CSMD2: variants seen among roughly 807,000 people sequenced by gnomAD.
CSMD2 encodes the protein CUB and Sushi multiple domains 2, also known as CUB and sushi domain-containing protein 2.
Under a neutral mutation model 398.5 loss-of-function variants are expected in CSMD2, and 130 were observed. The observed-to-expected ratio is 0.33, with a 90% CI of 0.28 to 0.38. The LOEUF (loss-of-function observed/expected upper bound fraction) is 0.38, where lower values mean the gene tolerates loss of function less well. Ranked by LOEUF, CSMD2 falls within the 10% of genes least tolerant of loss-of-function variation. CSMD2 has a pLI of 1.00. For missense variants in CSMD2, 3,829 were observed against 4,764.9 expected, an observed-to-expected ratio of 0.80 and a Z score of 5.78; for synonymous variants, 1,828 against 1,908.5, an observed-to-expected ratio of 0.96 and a Z score of 1.10.
At chr1:34,031,321 C>T (rs1650386279) in intron 3 of CSMD2, among the ~76,000 whole-genome samples, 1 of 152,122 alleles carries the variant, frequency 6.6e-6, no homozygotes, top group African/African-American at 2.4e-5. Flanking sequence ...CCTCGTCCTC[C>T]CAAAGTGCTG....
At chr1:33,898,047 A>G (rs1021827421) in intron 5 of CSMD2, among the ~76,000 whole-genome samples, 2 of 152,166 alleles carry the variant, frequency 1.3e-5, no homozygotes, top group African/African-American at 4.8e-5. Context: ...AGTTAGATTG[A>G]GAGAGGAGGA....
chr1:33,541,829 C>T (rs535453105), intron 58 of CSMD2, among the ~76,000 whole-genome samples: 1 of 152,280 alleles, frequency 6.6e-6, no homozygotes, highest in East Asian at 1.9e-4. Context: ...TTTGAAGAAC[C>T]TAAGGTATAT....
At chr1:33,530,175 T>A (rs1241195146) in intron 64 of CSMD2, among the ~76,000 whole-genome samples, 22 of 152,162 alleles carry the variant, frequency 1.4e-4, no homozygotes, top group Admixed American at 1.4e-3. Context: ...GGAGAAATTG[T>A]TTGCAAACCA....
chr1:33,572,480 C>A (rs1382464029), intron 50 of CSMD2, 26 bp downstream of exon 50: 1 of 1,528,402 alleles, frequency 6.5e-7, no homozygotes, highest in African/African-American at 1.4e-5. Context: ...CTTCCTTACA[C>A]CCGCCTCCAT....
Position 33,534,794 on chromosome 1 carries a change from G to A in CSMD2, c.9880-887C>T, listed in dbSNP as rs79340810. 4.1e-3 allele frequency among the ~76,000 whole-genome samples: 618 copies of A among 152,188 alleles called. 2 individuals carry two copies. The highest frequency in any genetic ancestry group is 7.1e-3 in the Non-Finnish European group (480 of 68,018). On this transcript the variant is annotated intron_variant, in intron 62 of 70. Transcript: ENST00000373381. ...ATGGCACCTTTATCCATGCAGTTGT[G>A]CAAATAAAAAACCTCAAGTCATCTT...
At chr1:34,148,918 A>C (rs1050737938) in intron 1 of CSMD2, among the ~76,000 whole-genome samples, 12 of 152,138 alleles carry the variant, frequency 7.9e-5, no homozygotes, top group African/African-American at 2.7e-4. Context: ...TCCATTTCTA[A>C]CAAGCTTCCT....
chr1:33,677,935 A>T (rs1266999220), intron 25 of CSMD2, among the ~76,000 whole-genome samples: 1 of 122,840 alleles, frequency 8.1e-6, no homozygotes, highest in East Asian at 2.6e-4. Context: ...AGGAAGGGGA[A>T]CATCACACAC....
At position 33,567,689 on chromosome 1, in the gene CSMD2, C is replaced by T. The variant is rs1172561266; in HGVS notation, c.8284G>A (p.Val2762Met). 16 of 1,614,050 alleles carry T rather than the reference C, an allele frequency of 9.9e-6. No individual in the cohort carries two copies. The highest frequency in any genetic ancestry group is 1.4e-5 in the Non-Finnish European group (16 of 1,180,040). ...GENYSYRGSV[V>M]YQCNAGFRLI... Reference sequence around the variant, plus strand: ...CGGAAGCCAGCATTGCATTGGTACACCACACTGCCCCGGTAGCTGTAGTTC... The same window carrying T: ...CGGAAGCCAGCATTGCATTGGTACATCACACTGCCCCGGTAGCTGTAGTTC... Residue 2762 changes from valine (V) to methionine (M), a missense_variant, in exon 53 of 71, where the codon GTG becomes ATG. By Grantham distance (21) the Val-to-Met change is conservative. Coordinates refer to ENST00000373381, the MANE Select transcript of CSMD2 (RefSeq NM_001281956.2).
At chr1:33,718,175 C>T (rs889315528) in intron 19 of CSMD2, among the ~76,000 whole-genome samples, 2 of 152,290 alleles carry the variant, frequency 1.3e-5, no homozygotes, top group Admixed American at 1.3e-4. Context: ...ATTGCAGAGG[C>T]TGTGCTCTCA....
chr1:34,113,241 C>T (rs1661269742), intron 1 of CSMD2, among the ~76,000 whole-genome samples: 1 of 152,142 alleles, frequency 6.6e-6, no homozygotes, highest in South Asian at 2.1e-4. Flanking sequence ...TATTTATCTC[C>T]CCATGCCCTC....
chr1:34,116,265 T>G (rs1661589412), intron 1 of CSMD2, among the ~76,000 whole-genome samples: 1 of 151,984 alleles, frequency 6.6e-6, no homozygotes, highest in Non-Finnish European at 1.5e-5. Flanking sequence ...GACAAAGATA[T>G]TCCATGCAAT....
chr1:33,856,377 G>T (rs1460900473), intron 5 of CSMD2, among the ~76,000 whole-genome samples: 1 of 152,248 alleles, frequency 6.6e-6, no homozygotes, highest in African/African-American at 2.4e-5. Context: ...CTCTTTCTCT[G>T]GGGAACCCCA....
chr1:34,155,154 A>G (rs1640693454), intron 1 of CSMD2, among the ~76,000 whole-genome samples: 1 of 152,230 alleles, frequency 6.6e-6, no homozygotes, highest in Non-Finnish European at 1.5e-5. Flanking sequence ...GAAGTTTTGC[A>G]CAGAGAGGTG....
chr1:33,970,433 G>C (rs142269747), intron 3 of CSMD2, among the ~76,000 whole-genome samples: 2 of 152,236 alleles, frequency 1.3e-5, no homozygotes, highest in East Asian at 3.9e-4. Flanking sequence ...CCCGTAAAGT[G>C]AGGCCAGCTT....
chr1:34,090,721 C>G (rs142470757), intron 1 of CSMD2, among the ~76,000 whole-genome samples: 57 of 152,342 alleles, frequency 3.7e-4, no homozygotes, highest in African/African-American at 1.3e-3. Flanking sequence ...CCTAACTGGT[C>G]AGCCACATTT....
chr1:33,999,400 C>T (rs1309729363), intron 3 of CSMD2, among the ~76,000 whole-genome samples: 1 of 151,988 alleles, frequency 6.6e-6, no homozygotes, highest in Admixed American at 6.5e-5. Context: ...TTTTATTTTG[C>T]TATTTTTTTG....
chr1:33,542,990 T>C, intron 57 of CSMD2, 94 bp from the exon 58 acceptor site: 1 of 1,017,200 alleles, frequency 9.8e-7, no homozygotes, highest in Non-Finnish European at 1.4e-6. Flanking sequence ...ACATGCTACC[T>C]CGGGACCTCG....
At chr1:34,162,467 G>A (rs569736025) in intron 1 of CSMD2, among the ~76,000 whole-genome samples, 8 of 152,252 alleles carry the variant, frequency 5.3e-5, no homozygotes, top group African/African-American at 1.9e-4. Context: ...CCCTTCTAAT[G>A]TACCAAATCC....
intron 37 of CSMD2, among the ~76,000 whole-genome samples, chr1:33,618,088 C>T (rs974154312): frequency 2.0e-5 from 3 of 152,060 alleles, no homozygotes; most frequent in Non-Finnish European, 2.9e-5. Flanking sequence ...GACACATCAG[C>T]GATGCTCAGG....
Sources: gnomAD v4.1 joint callset for allele counts (sites outside exome capture counted in the v4.1 genomes callset) on GRCh38, gnomAD v4.1.1 for gene constraint, MANE v1.5 for transcripts, NCBI Gene and HGNC (gene_info 2026-07-23, HGNC 2026-07-21) for gene names.